The following OTUB2 variants were observed in gnomAD, a reference collection of about 807,000 sequenced individuals.
OTUB2 encodes the protein OTU deubiquitinase, ubiquitin aldehyde binding 2.
In OTUB2, 21 loss-of-function variants were observed where a neutral mutation model predicts 25.1. The ratio of observed to expected loss-of-function variants is 0.84; its 90% CI spans 0.59 to 1.21. OTUB2 has a LOEUF of 1.21. OTUB2 is among the 50% of genes most tolerant of loss of function. The pLI, the probability that OTUB2 is intolerant of heterozygous loss-of-function variation, is 0.00. For missense variants in OTUB2, 283 were observed against 298.0 expected (o/e 0.95, Z 0.37); for synonymous variants, 122 against 122.8 (o/e 0.99, Z 0.04).
At chr14:94,037,329 G>A (rs1218246528) in intron 1 of OTUB2, 51 bp from the exon 2 acceptor site, 14 of 1,382,926 alleles carry the variant, frequency 1.0e-5, no homozygotes, top group Non-Finnish European at 1.2e-5. Context: ...GGGGAGTCCC[G>A]TCCGTTGCTT....
At chr14:94,039,642 C>G (rs1255793708) in intron 3 of OTUB2, among the ~76,000 whole-genome samples, 1 of 152,142 alleles carries the variant, frequency 6.6e-6, no homozygotes, top group Admixed American at 6.5e-5. Context: ...AAACAAACCC[C>G]TGAGACCTGG....
intron 1 of OTUB2, among the ~76,000 whole-genome samples, chr14:94,029,306 C>T (rs1271273485): frequency 1.3e-5 from 2 of 152,174 alleles, no homozygotes; most frequent in Admixed American, 1.3e-4. Context: ...GCTGCCATAA[C>T]AAAGTACCAC....
chr14:94,029,101 G>A (rs1050194228), intron 1 of OTUB2, among the ~76,000 whole-genome samples: 6 of 152,174 alleles, frequency 3.9e-5, no homozygotes, highest in Admixed American at 3.3e-4. Context: ...TTGCTGTGCT[G>A]TGGGGTTTGG....
At position 94,026,459 on chromosome 14, in the gene OTUB2, C is replaced by T; in HGVS notation, c.-79C>T. On this transcript the variant is annotated 5_prime_UTR_variant, in exon 1 of 6. Transcript: ENST00000203664. ...CCCGCCACCGAACCAGCGGCGGAGC[C>T]CGCCCGCGCCTCCCGCGGCATTCCC... 1 of 1,322,694 alleles carries T rather than the reference C, an allele frequency of 7.6e-7. No homozygotes were observed. Among genetic ancestry groups the T allele is most frequent in the Non-Finnish European group, 9.7e-7 (1 of 1,033,566 alleles). The allele number at this position is 1,322,694 out of a possible 1,614,324, so 81.9% of individuals were successfully genotyped here. A position where few individuals can be genotyped will look rare whatever the true frequency, so the allele number is the denominator to read the frequency against.
intron 1 of OTUB2, among the ~76,000 whole-genome samples, chr14:94,036,812 T>A (rs1287054061): frequency 6.6e-6 from 1 of 152,138 alleles, no homozygotes; most frequent in Non-Finnish European, 1.5e-5. Context: ...TTCTCTGGCA[T>A]CTCCATGTAC....
chr14:94,043,215 C>G (rs1286627167), intron 3 of OTUB2, among the ~76,000 whole-genome samples: 1 of 152,230 alleles, frequency 6.6e-6, no homozygotes, highest in Non-Finnish European at 1.5e-5. Flanking sequence ...CTTCTGCCTC[C>G]TGGGTGCTGT....
chr14:94,033,728 A>C (rs954097094), intron 1 of OTUB2, among the ~76,000 whole-genome samples: 2 of 152,262 alleles, frequency 1.3e-5, no homozygotes, highest in Non-Finnish European at 2.9e-5. Context: ...CGAATTGGGC[A>C]GAGCAGGTGC....
intron 1 of OTUB2, among the ~76,000 whole-genome samples, chr14:94,030,474 C>T (rs1884938682): frequency 6.6e-6 from 1 of 151,946 alleles, no homozygotes; most frequent in Non-Finnish European, 1.5e-5. Flanking sequence ...AGAGGAAGAT[C>T]TGAGGGCCTG....
intron 3 of OTUB2, among the ~76,000 whole-genome samples, chr14:94,042,493 G>A (rs2141413663): frequency 6.6e-6 from 1 of 151,892 alleles, no homozygotes; most frequent in South Asian, 2.1e-4. Context: ...AGGTTTGGGG[G>A]TGGGAGGGGG....
chr14:94,039,195 A>G, intron 3 of OTUB2, 114 bp downstream of exon 3: 1 of 838,046 alleles, frequency 1.2e-6, no homozygotes, highest in Admixed American at 2.4e-5. Flanking sequence ...GAATGAGCTG[A>G]AGAGCTGCCT....
chr14:94,040,666 C>T (rs929303721), intron 3 of OTUB2, among the ~76,000 whole-genome samples: 27 of 152,344 alleles, frequency 1.8e-4, no homozygotes, highest in Middle Eastern at 3.4e-3. Flanking sequence ...TCAGCACACA[C>T]GGGTGCCATG....
At position 94,043,842 on chromosome 14, in the gene OTUB2, C is replaced by T. The variant is rs1020607468; in HGVS notation, c.219-129C>T. On this transcript the variant is annotated intron_variant, in intron 3 of 5. Coordinates refer to ENST00000203664, the MANE Select transcript of OTUB2 (RefSeq NM_023112.4). ...TGTGGCTGTGTGTTGGGGGCAGGGG[C>T]GGGAGGTTCTGCGGCTGGACTAGAG... 31 of 798,600 alleles carry T rather than the reference C, an allele frequency of 3.9e-5. No homozygotes were observed. In the Middle Eastern group the frequency reaches 1.8e-3, roughly 46 times the overall value. 49.5% of individuals were successfully genotyped at this position (798,600 alleles called of 1,614,324 possible). A position where few individuals can be genotyped will look rare whatever the true frequency, so the allele number is the denominator to read the frequency against.
intron 1 of OTUB2, 46 bp downstream of exon 1, chr14:94,026,586 C>CGGGCGGGGGGGGG: frequency 2.6e-6 from 1 of 383,172 alleles, no homozygotes. Flanking sequence ...GCAGGGGGCG[C>CGGGCGGGGGGGGG]GGTGGGCGGG....
At position 94,044,570 on chromosome 14, in the gene OTUB2, G is replaced by T; in HGVS notation, c.304-16G>T. ...GGCTTGCTTGGCCTCCCTAGCTGAGGGCCGGGCGGGCGCAGTTTTACAGTG... is the reference window on the plus strand; with the variant it reads ...GGCTTGCTTGGCCTCCCTAGCTGAGTGCCGGGCGGGCGCAGTTTTACAGTG... On this transcript the variant is annotated splice_polypyrimidine_tract_variant and intron_variant, in intron 4 of 5. Transcript: ENST00000203664. 6.3e-7 allele frequency: 1 copy of T among 1,598,092 alleles called. No homozygotes were observed. The highest frequency in any genetic ancestry group is 8.6e-7 in the Non-Finnish European group (1 of 1,168,658).
At chr14:94,029,560 G>A (rs905087260) in intron 1 of OTUB2, among the ~76,000 whole-genome samples, 7 of 152,162 alleles carry the variant, frequency 4.6e-5, no homozygotes, top group African/African-American at 1.4e-4. Flanking sequence ...CAGTCGTATT[G>A]AATTAGAGGC....
At chr14:94,031,350 G>A (rs2141407501) in intron 1 of OTUB2, among the ~76,000 whole-genome samples, 1 of 152,288 alleles carries the variant, frequency 6.6e-6, no homozygotes, top group Middle Eastern at 3.4e-3. Flanking sequence ...AGCCCCTGGA[G>A]CAGTCCATAG....
chr14:94,042,570 G>T (rs1326733206), intron 3 of OTUB2, among the ~76,000 whole-genome samples: 1 of 152,190 alleles, frequency 6.6e-6, no homozygotes, highest in African/African-American at 2.4e-5. Context: ...CTAGAAGAGG[G>T]TGCCGGCCCT....
chr14:94,043,478 G>A (rs1160463334), intron 3 of OTUB2, among the ~76,000 whole-genome samples: 4 of 152,230 alleles, frequency 2.6e-5, no homozygotes, highest in African/African-American at 4.8e-5. Context: ...GCGCCATGAG[G>A]GGGCCTGCAG....
At chr14:94,040,979 G>A (rs1885150222) in intron 3 of OTUB2, among the ~76,000 whole-genome samples, 2 of 152,332 alleles carry the variant, frequency 1.3e-5, no homozygotes, top group South Asian at 2.1e-4. Context: ...CCGAGGGATT[G>A]CGCAGCACGG....
Sources: allele counts gnomAD v4.1 joint callset (sites outside exome capture counted in the v4.1 genomes callset), GRCh38; gene constraint gnomAD v4.1.1; transcripts MANE v1.5; gene names NCBI Gene and HGNC (gene_info 2026-07-23, HGNC 2026-07-21).